Variants in SORD observed in about 807,000 individuals in gnomAD.
SORD encodes the protein (R,R)-butanediol dehydrogenase.
Under a neutral mutation model 35.6 loss-of-function variants are expected in SORD, and 18 were observed. The ratio of observed to expected loss-of-function variants is 0.51; its 90% CI spans 0.35 to 0.75. SORD has a LOEUF of 0.75. Ranked by LOEUF, SORD falls within the 30% of genes least tolerant of loss-of-function variation. The pLI is 0.01. For missense variants in SORD, 250 were observed against 390.2 expected (o/e 0.64, Z 3.03); for synonymous variants, 106 against 152.9 (o/e 0.69, Z 2.26).
intron 3 of SORD, among the ~76,000 whole-genome samples, chr15:45,059,932 C>CA (rs902122190): frequency 1.3e-5 from 2 of 151,830 alleles, no homozygotes; most frequent in Admixed American, 6.6e-5. Context: ...ATCTGTGGTA[C>CA]AAAAAAAAGT....
chr15:45,053,609 C>A (rs1595503235), intron 3 of SORD, among the ~76,000 whole-genome samples: 1 of 152,074 alleles, frequency 6.6e-6, no homozygotes, highest in East Asian at 1.9e-4. Flanking sequence ...TATGTTACTT[C>A]TATTTGAATT....
At chr15:45,057,759 G>A (rs1893240272) in intron 3 of SORD, among the ~76,000 whole-genome samples, 1 of 152,096 alleles carries the variant, frequency 6.6e-6, no homozygotes, top group African/African-American at 2.4e-5. Flanking sequence ...CTCCAGCCTG[G>A]GCAACAGAGT....
intron 1 of SORD, among the ~76,000 whole-genome samples, chr15:45,026,191 C>G (rs967200480): frequency 6.6e-6 from 1 of 152,196 alleles, no homozygotes; most frequent in South Asian, 2.1e-4. Flanking sequence ...GGTATCACTG[C>G]TCCTCCATCT....
intron 1 of SORD, among the ~76,000 whole-genome samples, chr15:45,040,142 T>C (rs1892943409): frequency 6.6e-6 from 1 of 151,812 alleles, no homozygotes; most frequent in South Asian, 2.1e-4. Context: ...TGGTCCTCTG[T>C]ATGCTCTATG....
At chr15:45,055,444 A>T (rs1893199357) in intron 3 of SORD, among the ~76,000 whole-genome samples, 1 of 152,216 alleles carries the variant, frequency 6.6e-6, no homozygotes, top group African/African-American at 2.4e-5. Flanking sequence ...AACCAGGAAG[A>T]AGTTGAATCT....
intron 5 of SORD, among the ~76,000 whole-genome samples, chr15:45,066,446 C>A (rs1893406072): frequency 6.6e-6 from 1 of 151,984 alleles, no homozygotes; most frequent in Non-Finnish European, 1.5e-5. Context: ...ACTCTTGGAA[C>A]TTTCAAATTA....
chr15:45,024,856 G>A (rs1595491785), intron 1 of SORD, among the ~76,000 whole-genome samples: 1 of 152,244 alleles, frequency 6.6e-6, no homozygotes, highest in Admixed American at 6.5e-5. Context: ...GAGCCCGAGG[G>A]CTTTGATGGA....
chr15:45,055,003 C>A (rs900227641), intron 3 of SORD, among the ~76,000 whole-genome samples: 21 of 152,212 alleles, frequency 1.4e-4, no homozygotes, highest in African/African-American at 4.8e-4. Context: ...CCATTGATCT[C>A]TATCTCTGTT....
At chr15:45,056,945 C>T (rs906464487) in intron 3 of SORD, among the ~76,000 whole-genome samples, 5 of 152,300 alleles carry the variant, frequency 3.3e-5, no homozygotes, top group East Asian at 1.9e-4. Flanking sequence ...ATGGATCCCA[C>T]GTGTTAAACC....
intron 5 of SORD, 80 bp from the exon 6 acceptor site, chr15:45,068,101 G>A: frequency 1.9e-6 from 2 of 1,065,876 alleles, no homozygotes; most frequent in Non-Finnish European, 2.9e-6. Context: ...AAAAGATATG[G>A]TTCCTATCCA....
At chr15:45,029,813 G>C (rs888190061) in intron 1 of SORD, among the ~76,000 whole-genome samples, 2 of 152,242 alleles carry the variant, frequency 1.3e-5, no homozygotes, top group Non-Finnish European at 2.9e-5. Context: ...ACTGGAGAGG[G>C]GATGGGAAGG....
chr15:45,035,055 C>A lies in SORD; in HGVS notation c.67-5353C>A, dbSNP rs754239537. 3.3e-4 allele frequency among the ~76,000 whole-genome samples: 50 copies of A among 152,306 alleles called. 1 individual carries two copies. The highest frequency in any genetic ancestry group is 1.5e-3 in the East Asian group (8 of 5,176). On this transcript the variant is annotated intron_variant, in intron 1 of 8. Coordinates refer to ENST00000267814, the MANE Select transcript of SORD (RefSeq NM_003104.6). The stretch of plus-strand genomic sequence containing the variant: ...CGCTGCGCTCGATTTCTCGCCGGGC[C>A]TTAGCTGCCTTCCCGCGGGGCAGGG...
chr15:45,047,764 C>T (rs1185888079), intron 3 of SORD, among the ~76,000 whole-genome samples: 2 of 152,280 alleles, frequency 1.3e-5, no homozygotes, highest in South Asian at 2.1e-4. Flanking sequence ...CACTGGCATT[C>T]AGCCGTGTTG....
chr15:45,054,980 G>A (rs1893191195), intron 3 of SORD, among the ~76,000 whole-genome samples: 1 of 152,070 alleles, frequency 6.6e-6, no homozygotes, highest in African/African-American at 2.4e-5. Flanking sequence ...ATTTCTGAGG[G>A]CTCTGTTCTG....
Position 45,073,278 on chromosome 15 carries a change from C to T in SORD, c.909-87C>T, listed in dbSNP as rs369648169. ...AGAACCACAGTGCTATCAATAAATA[C>T]GGCCAAGCTGATCTAGTGCTTGGTA... On this transcript the variant is annotated intron_variant, in intron 8 of 8. Transcript: ENST00000267814. 1,220 of 672,628 alleles carry T rather than the reference C, an allele frequency of 1.8e-3. 2 individuals are homozygous for T. The African/African-American group carries it at 0.024, about 13-fold the overall frequency. 41.7% of individuals were successfully genotyped at this position (672,628 alleles called of 1,614,324 possible).
At chr15:45,045,052 A>T (rs1174091372) in intron 3 of SORD, among the ~76,000 whole-genome samples, 2 of 152,142 alleles carry the variant, frequency 1.3e-5, no homozygotes, top group African/African-American at 4.8e-5. Context: ...ATCTTCATTA[A>T]TTGAAGAAGA....
At chr15:45,072,156 G>A in intron 7 of SORD, 161 bp from the exon 8 acceptor site, 1 of 136,988 alleles carries the variant, frequency 7.3e-6, no homozygotes, top group Non-Finnish European at 1.6e-5. Context: ...TTGGTTGGCA[G>A]GTTGAGCAGT....
chr15:45,071,090 T>C (rs989258716), intron 7 of SORD, among the ~76,000 whole-genome samples: 24 of 152,170 alleles, frequency 1.6e-4, no homozygotes, highest in African/African-American at 5.8e-4. Flanking sequence ...CTGGATAGTG[T>C]TTGTGATGAG....
intron 1 of SORD, among the ~76,000 whole-genome samples, chr15:45,034,559 A>G (rs931725181): frequency 5.3e-5 from 8 of 152,278 alleles, no homozygotes; most frequent in Non-Finnish European, 1.0e-4. Flanking sequence ...AGATGATTCC[A>G]TGTCCCCGCA....
Sources: allele counts gnomAD v4.1 joint callset (sites outside exome capture counted in the v4.1 genomes callset), GRCh38; gene constraint gnomAD v4.1.1; transcripts MANE v1.5; gene names NCBI Gene and HGNC (gene_info 2026-07-23, HGNC 2026-07-21).